PTPRN2: variants seen among roughly 807,000 people sequenced by gnomAD.
The protein encoded by PTPRN2 is receptor-type tyrosine-protein phosphatase N2.
Under a neutral mutation model 118.8 loss-of-function variants are expected in PTPRN2, and 74 were observed. That is an observed-to-expected ratio of 0.62 (90% confidence interval 0.52 to 0.76). PTPRN2 has a LOEUF of 0.76. Among genes scored for constraint, PTPRN2 ranks in the 30% least tolerant of loss-of-function variants. The pLI is 0.00. For synonymous variants in PTPRN2, 641 were observed against 608.0 expected (o/e 1.05, Z -0.80); for missense variants, 1,481 against 1,394.4 (o/e 1.06, Z -0.99).
rs1388484957 is a variant in PTPRN2, at chr7:157,574,059, G to A, written c.2783+2554C>T. ...ACAAGAGTTCATCCGGTTGACCCAAGATGTAGACCACGAGTTATTCAGGAA... is the reference window on the plus strand; with the variant it reads ...ACAAGAGTTCATCCGGTTGACCCAAAATGTAGACCACGAGTTATTCAGGAA... On this transcript the variant is annotated intron_variant, in intron 19 of 22. Coordinates refer to ENST00000389418, the MANE Select transcript of PTPRN2 (RefSeq NM_002847.5). Among the ~76,000 whole-genome samples, 3 of 152,296 alleles carry A rather than the reference G, an allele frequency of 2.0e-5. No individual in the cohort carries two copies. The East Asian group carries it at 5.8e-4, about 29-fold the overall frequency.
At chr7:158,071,039 A>G (rs1360431119) in intron 11 of PTPRN2, among the ~76,000 whole-genome samples, 8 of 16,120 alleles carry the variant, frequency 5.0e-4, no homozygotes, top group Admixed American at 8.5e-4. Flanking sequence ...TGCTCTTAGT[A>G]TGGAGGTGCT....
chr7:157,836,232 A>C (rs1807923313), intron 12 of PTPRN2, among the ~76,000 whole-genome samples: 1 of 152,248 alleles, frequency 6.6e-6, no homozygotes, highest in African/African-American at 2.4e-5. Context: ...ATGAAGTCCT[A>C]ACCCTTGGTG....
chr7:157,601,144 C>T (rs147315803), intron 16 of PTPRN2, among the ~76,000 whole-genome samples: 53 of 152,304 alleles, frequency 3.5e-4, no homozygotes, highest in South Asian at 8.3e-4. Flanking sequence ...ATGGGTTTCT[C>T]TCTCAGACAA....
intron 12 of PTPRN2, among the ~76,000 whole-genome samples, chr7:157,706,244 C>T (rs536354355): frequency 3.4e-4 from 51 of 151,104 alleles, no homozygotes; most frequent in African/African-American, 1.2e-3. Context: ...TTAGCGGGAA[C>T]CCCATTCCTC....
In PTPRN2 at chr7:157,779,878, G is replaced by A. The variant is rs766238667; in HGVS notation, c.1789-96941C>T. Among the ~76,000 whole-genome samples, 12 of 152,174 alleles carry A rather than the reference G, an allele frequency of 7.9e-5. No individual in the cohort carries two copies. The highest frequency in any genetic ancestry group is 3.4e-3 in the Middle Eastern group (1 of 294). On this transcript the variant is annotated intron_variant, in intron 12 of 22. Coordinates refer to ENST00000389418, the MANE Select transcript of PTPRN2 (RefSeq NM_002847.5). This position sits in a 1 kb window ranked among gnomAD's most constrained non-coding sequence, Gnocchi z 4.7. Reference sequence around the variant, plus strand: ...GTGTCCTCCCAAGCAGGGCTGGGACGCCACTGATACCATCGACGTACAACA... The same window carrying A: ...GTGTCCTCCCAAGCAGGGCTGGGACACCACTGATACCATCGACGTACAACA...
At chr7:158,014,727 G>GGCCA (rs1355092130) in intron 11 of PTPRN2, among the ~76,000 whole-genome samples, 1 of 148,490 alleles carries the variant, frequency 6.7e-6, no homozygotes, top group Non-Finnish European at 1.5e-5. Flanking sequence ...CCACCCATCC[G>GGCCA]GCCAGCCAGC....
At chr7:157,911,784 C>G (rs1476672627) in intron 11 of PTPRN2, among the ~76,000 whole-genome samples, 1 of 151,714 alleles carries the variant, frequency 6.6e-6, no homozygotes, top group Non-Finnish European at 1.5e-5. Flanking sequence ...TTTTTTTCAC[C>G]TATGTGTGTA....
chr7:157,582,743 A>G (rs1277607156), intron 17 of PTPRN2, among the ~76,000 whole-genome samples: 1 of 151,848 alleles, frequency 6.6e-6, no homozygotes. Flanking sequence ...GTATCGTGGC[A>G]TGCACCTGTA....
intron 12 of PTPRN2, among the ~76,000 whole-genome samples, chr7:157,895,940 G>A: frequency 6.6e-6 from 1 of 152,116 alleles, no homozygotes; most frequent in South Asian, 2.1e-4. Flanking sequence ...ACTGCAGGAG[G>A]CCCGCGTGAA....
chr7:158,341,815 TGACACCAGCAGAC>T (rs1806878192), intron 2 of PTPRN2, among the ~76,000 whole-genome samples: 1 of 122,936 alleles, frequency 8.1e-6, no homozygotes, highest in African/African-American at 3.4e-5. Flanking sequence ...CCGTAAGAGG[TGACACCAGCAGAC>T]GTCACTCACA....
rs1803502080 is a variant in PTPRN2, at chr7:158,326,120, G to A, written c.164-9188C>T. Among the ~76,000 whole-genome samples the A allele has an allele frequency of 2.6e-5, 4 of 152,332 alleles. No homozygotes were observed. The South Asian group carries it at 8.3e-4, about 32-fold the overall frequency. Reference sequence around the variant, plus strand: ...ATACCCGCCGCAGGTCTTGAGTCTGGCAGCCAGGGAGGGAGCACAGCCGCC... The same window carrying A: ...ATACCCGCCGCAGGTCTTGAGTCTGACAGCCAGGGAGGGAGCACAGCCGCC... On this transcript the variant is annotated intron_variant, in intron 2 of 22. Coordinates refer to ENST00000389418, the MANE Select transcript of PTPRN2 (RefSeq NM_002847.5).
At position 157,622,551 on chromosome 7, in the gene PTPRN2, C is replaced by T. The variant is rs570308585; in HGVS notation, c.2197-1042G>A. Reference sequence around the variant, plus strand: ...GGAGGGAGGGCTGGACACGGCGAGGCGGGAATCTCAGGTCATCGTGCCGTC... The same window carrying T: ...GGAGGGAGGGCTGGACACGGCGAGGTGGGAATCTCAGGTCATCGTGCCGTC... On this transcript the variant is annotated intron_variant, in intron 14 of 22. Transcript: ENST00000389418. This position sits in a 1 kb window ranked among gnomAD's most constrained non-coding sequence, Gnocchi z 5.3. Among the ~76,000 whole-genome samples the T allele has an allele frequency of 3.9e-5, 6 of 152,238 alleles. No individual in the cohort carries two copies. The highest frequency in any genetic ancestry group is 3.9e-4 in the East Asian group (2 of 5,152).
chr7:157,576,610 T>G lies in PTPRN2; in HGVS notation c.2783+3A>C. 6.2e-7 allele frequency: 1 copy of G among 1,608,384 alleles called. No homozygotes were observed. Among genetic ancestry groups the G allele is most frequent in the South Asian group, 1.1e-5 (1 of 90,146 alleles). On this transcript the variant is annotated splice_donor_region_variant and intron_variant, in intron 19 of 22. Coordinates refer to ENST00000389418, the MANE Select transcript of PTPRN2 (RefSeq NM_002847.5). ...TGCCCTGCCGGCGGGCCGCGCGTCA[T>G]ACCTGCGGAAGTCCAGGAGGGACCT...
At chr7:158,046,505 C>T (rs1173876113) in intron 11 of PTPRN2, among the ~76,000 whole-genome samples, 1 of 152,242 alleles carries the variant, frequency 6.6e-6, no homozygotes, top group Non-Finnish European at 1.5e-5. Flanking sequence ...TTGTTCTGTG[C>T]ACTGCCCTTC....
At chr7:158,313,709 C>T (rs1049845007) in intron 3 of PTPRN2, among the ~76,000 whole-genome samples, 5 of 152,194 alleles carry the variant, frequency 3.3e-5, no homozygotes, top group Non-Finnish European at 7.4e-5. Context: ...GCCTGACACT[C>T]GGCACAATAT....
chr7:157,940,853 T>C (rs1159346451), intron 11 of PTPRN2, among the ~76,000 whole-genome samples: 15 of 44,592 alleles, frequency 3.4e-4, no homozygotes, highest in South Asian at 8.2e-4. Context: ...TCTAACACTC[T>C]CCCCCACAAC....
intron 12 of PTPRN2, among the ~76,000 whole-genome samples, chr7:157,726,708 G>A (rs76619423): frequency 3.9e-5 from 6 of 152,158 alleles, no homozygotes; most frequent in African/African-American, 1.4e-4. Context: ...TCCAGAGAGC[G>A]AAAAGACAAC....
At chr7:158,102,196 C>A (rs1191531875) in intron 10 of PTPRN2, among the ~76,000 whole-genome samples, 2 of 152,186 alleles carry the variant, frequency 1.3e-5, no homozygotes, top group Non-Finnish European at 2.9e-5. Flanking sequence ...CAGGAGGGAA[C>A]CTTCAGAAAA....
chr7:157,720,387 C>T (rs1390285277), intron 12 of PTPRN2, among the ~76,000 whole-genome samples: 1 of 152,244 alleles, frequency 6.6e-6, no homozygotes, highest in East Asian at 1.9e-4. Flanking sequence ...CCTTGTCACT[C>T]TGGCTTCTCC....
Sources: gnomAD v4.1 joint callset for allele counts (sites outside exome capture counted in the v4.1 genomes callset) on GRCh38, gnomAD v4.1.1 for gene constraint, Gnocchi (gnomAD v3.1) non-coding constraint, MANE v1.5 for transcripts, NCBI Gene and HGNC (gene_info 2026-07-23, HGNC 2026-07-21) for gene names.